Variants in FRMPD4 observed in about 807,000 individuals in gnomAD.
FRMPD4 encodes FERM and PDZ domain-containing protein 4.
A neutral mutation model predicts 94.1 loss-of-function variants in FRMPD4; 22 were observed. The observed-to-expected ratio is 0.23, with a 90% confidence interval of 0.17 to 0.33. FRMPD4 has a LOEUF of 0.33. FRMPD4 is among the 10% of genes least tolerant of loss of function. The pLI is 1.00. For missense variants in FRMPD4, 1,111 were observed against 1,339.9 expected (o/e 0.83, Z 2.67); for synonymous variants, 631 against 548.6 (o/e 1.15, Z -2.10).
rs1455821210 is a variant in FRMPD4 at position 11,898,132 on chromosome X, T to C, written c.95+20114T>C. Reference sequence around the variant, plus strand: ...CATGACTGAAAGGTGTGTGTGTGTATTGGGGGTATGGGGGGCAGGCAGGAA... The same window carrying C: ...CATGACTGAAAGGTGTGTGTGTGTACTGGGGGTATGGGGGGCAGGCAGGAA... On this transcript the variant is annotated intron_variant, in intron 3 of 18. Transcript: ENST00000640291. Among the ~76,000 whole-genome samples, 5 of 110,754 alleles carry C rather than the reference T, an allele frequency of 4.5e-5. No homozygotes were observed. The Admixed American group carries it at 4.8e-4, about 11-fold the overall frequency.
intron 3 of FRMPD4, among the ~76,000 whole-genome samples, chrX:12,082,103 G>A (rs1569155020): frequency 9.0e-6 from 1 of 111,601 alleles, no homozygotes; most frequent in Non-Finnish European, 1.9e-5. Context: ...GTCGAATTGT[G>A]TTTCTCTGTG....
At chrX:12,439,803 A>G (rs16986888) in intron 1 of FRMPD4, among the ~76,000 whole-genome samples, 7,258 of 111,764 alleles carry the variant, frequency 0.065, 183 homozygotes, top group African/African-American at 0.078. Context: ...GTTTGTTAAA[A>G]TGCCGTATTT....
At chrX:12,681,687 C>T (rs1602315710) in intron 5 of FRMPD4, among the ~76,000 whole-genome samples, 1 of 99,988 alleles carries the variant, frequency 1.0e-5, no homozygotes, top group South Asian at 4.7e-4. Flanking sequence ...GCAAAAACTC[C>T]ATCCAGGATA....
intron 1 of FRMPD4, among the ~76,000 whole-genome samples, chrX:12,460,504 G>A (rs1032220538): frequency 4.5e-5 from 5 of 111,892 alleles, no homozygotes; most frequent in African/African-American, 1.6e-4. Flanking sequence ...AACTACATAT[G>A]TCTTTTGCCC....
At chrX:12,039,809 A>T (rs960342039) in intron 3 of FRMPD4, among the ~76,000 whole-genome samples, 2 of 109,235 alleles carry the variant, frequency 1.8e-5, no homozygotes, top group Non-Finnish European at 3.8e-5. Context: ...ATCTCTACTA[A>T]AAATACAAAA....
At chrX:12,610,215 A>T (rs2059168136) in intron 3 of FRMPD4, among the ~76,000 whole-genome samples, 1 of 112,024 alleles carries the variant, frequency 8.9e-6, no homozygotes, top group South Asian at 3.7e-4. Flanking sequence ...AGTGAAAAAA[A>T]GGAGGAAGTG....
upstream of FRMPD4, among the ~76,000 whole-genome samples, chrX:12,136,967 T>C (rs1244707672): frequency 2.8e-5 from 3 of 108,713 alleles, no homozygotes; most frequent in Admixed American, 3.0e-4. Context: ...ATGTTGAGAA[T>C]AGATTATGGC....
intron 3 of FRMPD4, among the ~76,000 whole-genome samples, chrX:11,975,600 AT>A (rs201647830): frequency 0.01 from 1,133 of 111,312 alleles, 9 homozygotes; most frequent in African/African-American, 0.034. Flanking sequence ...AGATAACTAA[AT>A]TTTTTTTTGT....
chrX:12,197,174 C>T (rs892284570), intron 1 of FRMPD4, among the ~76,000 whole-genome samples: 2 of 110,546 alleles, frequency 1.8e-5, no homozygotes, highest in African/African-American at 3.3e-5. Flanking sequence ...ATAACTTTGC[C>T]GAGATAGGCC....
chrX:12,371,041 T>G (rs1015061836), intron 1 of FRMPD4, among the ~76,000 whole-genome samples: 2 of 112,354 alleles, frequency 1.8e-5, no homozygotes, highest in African/African-American at 6.5e-5. Context: ...AGAAATAGAT[T>G]GCTTCCCTTT....
chrX:12,511,516 G>C (rs2058042147), intron 2 of FRMPD4, among the ~76,000 whole-genome samples: 1 of 110,475 alleles, frequency 9.1e-6, no homozygotes, highest in Non-Finnish European at 1.9e-5. Context: ...AAATTCAAGA[G>C]GTTTCAACAG....
intron 1 of FRMPD4, among the ~76,000 whole-genome samples, chrX:12,244,710 T>C (rs2053928890): frequency 8.9e-6 from 1 of 112,893 alleles, no homozygotes; most frequent in South Asian, 3.6e-4. Context: ...GGACCTGGGA[T>C]CCTGAAATTC....
At chrX:12,337,219 G>C (rs1488029886) in intron 1 of FRMPD4, among the ~76,000 whole-genome samples, 1 of 111,783 alleles carries the variant, frequency 8.9e-6, no homozygotes, top group Non-Finnish European at 1.9e-5. Flanking sequence ...TGATCTTTTC[G>C]TAGGCAAGTG....
intron 3 of FRMPD4, among the ~76,000 whole-genome samples, chrX:11,973,591 C>A (rs1325700903): frequency 8.9e-6 from 1 of 112,183 alleles, no homozygotes; most frequent in Non-Finnish European, 1.9e-5. Flanking sequence ...TGGATAAAGG[C>A]AGCTAATTGA....
At chrX:11,968,564 T>C (rs2054324075) in intron 3 of FRMPD4, among the ~76,000 whole-genome samples, 1 of 111,490 alleles carries the variant, frequency 9.0e-6, no homozygotes, top group Non-Finnish European at 1.9e-5. Context: ...CCTGGCAACC[T>C]TCATTCAACC....
At chrX:12,230,971 T>C (rs1393205014) in intron 1 of FRMPD4, among the ~76,000 whole-genome samples, 41 of 63,787 alleles carry the variant, frequency 6.4e-4, no homozygotes, top group African/African-American at 2.4e-3. Flanking sequence ...AGTAAATATA[T>C]AGTAATATAT....
intron 3 of FRMPD4, among the ~76,000 whole-genome samples, chrX:12,070,549 A>G (rs1477577180): frequency 1.8e-5 from 2 of 111,661 alleles, no homozygotes; most frequent in Admixed American, 9.5e-5. Context: ...TCAAATCTCT[A>G]GCCTAATGTC....
chrX:12,575,866 G>C (rs2058806995), intron 2 of FRMPD4, among the ~76,000 whole-genome samples: 1 of 111,894 alleles, frequency 8.9e-6, no homozygotes, highest in South Asian at 3.8e-4. Flanking sequence ...CAAGGAAACA[G>C]ACTCCCCCCT....
intron 2 of FRMPD4, among the ~76,000 whole-genome samples, chrX:12,608,721 A>T (rs1212666900): frequency 8.9e-6 from 1 of 112,647 alleles, no homozygotes; most frequent in Non-Finnish European, 1.9e-5. Context: ...TCTACTTATT[A>T]ATTCAAGTAC....
Sources: gnomAD v4.1 joint callset for allele counts (sites outside exome capture counted in the v4.1 genomes callset) on GRCh38, gnomAD v4.1.1 for gene constraint, MANE v1.5 for transcripts, NCBI Gene and HGNC (gene_info 2026-07-23, HGNC 2026-07-21) for gene names.